Variants in NRG3 observed in about 807,000 individuals in gnomAD.
NRG3 encodes pro-neuregulin-3, membrane-bound isoform.
In NRG3, 31 loss-of-function variants were observed where a neutral mutation model predicts 66.9. That is an observed-to-expected ratio of 0.46 (90% CI 0.35 to 0.63). The LOEUF is 0.63. Among genes scored for constraint, NRG3 ranks in the 20% least tolerant of loss-of-function variants. The pLI, the probability that NRG3 is intolerant of heterozygous loss-of-function variation, is 0.00. For synonymous variants in NRG3, 393 were observed against 359.4 expected (o/e 1.09, Z -1.06); for missense variants, 910 against 878.9 (o/e 1.04, Z -0.45).
At chr10:82,062,985 A>G (rs1349377711) in intron 1 of NRG3, among the ~76,000 whole-genome samples, 1 of 152,028 alleles carries the variant, frequency 6.6e-6, no homozygotes, top group African/African-American at 2.4e-5. Context: ...TCTGCCGCCC[A>G]CCCCACCAAC....
At chr10:82,120,691 C>T (rs901493077) in intron 1 of NRG3, among the ~76,000 whole-genome samples, 12 of 152,134 alleles carry the variant, frequency 7.9e-5, no homozygotes, top group Middle Eastern at 6.8e-3. Context: ...TTTTGAGGGA[C>T]CAAATTGCAC....
chr10:82,505,001 G>A (rs1844539306), intron 2 of NRG3, among the ~76,000 whole-genome samples: 1 of 152,106 alleles, frequency 6.6e-6, no homozygotes, highest in Non-Finnish European at 1.5e-5. Context: ...CAGACTCTAT[G>A]GGCCAAGAGA....
At chr10:82,789,648 T>C (rs1027915765) in intron 3 of NRG3, among the ~76,000 whole-genome samples, 1 of 152,070 alleles carries the variant, frequency 6.6e-6, no homozygotes, top group Non-Finnish European at 1.5e-5. Flanking sequence ...AATATCTGCC[T>C]TTTATTGGAA....
chr10:82,671,251 A>G (rs573362281), intron 2 of NRG3, among the ~76,000 whole-genome samples: 53 of 152,286 alleles, frequency 3.5e-4, no homozygotes, highest in African/African-American at 1.3e-3. Context: ...AGTAAGCTCC[A>G]GTTGTTACAG....
At chr10:82,774,396 T>C (rs1260012421) in intron 3 of NRG3, among the ~76,000 whole-genome samples, 1 of 152,220 alleles carries the variant, frequency 6.6e-6, no homozygotes, top group Admixed American at 6.5e-5. Context: ...AATCTGGCTC[T>C]AGGCTTTTCT....
intron 1 of NRG3, among the ~76,000 whole-genome samples, chr10:82,089,989 G>T (rs546053712): frequency 6.6e-6 from 1 of 152,262 alleles, no homozygotes; most frequent in East Asian, 1.9e-4. Context: ...TGGCATGGTG[G>T]GGTTGAAATT....
chr10:82,852,010 A>T (rs912538607), intron 3 of NRG3, among the ~76,000 whole-genome samples: 2 of 151,782 alleles, frequency 1.3e-5, no homozygotes, highest in African/African-American at 4.8e-5. Flanking sequence ...ACTTGAAGTG[A>T]GTTGATAAAA....
chr10:82,299,703 G>T (rs2080284551), intron 1 of NRG3, among the ~76,000 whole-genome samples: 1 of 152,056 alleles, frequency 6.6e-6, no homozygotes, highest in Non-Finnish European at 1.5e-5. Context: ...CCTGCGGGAG[G>T]CAAGACCTCA....
At chr10:81,908,853 T>C (rs1422962701) in intron 1 of NRG3, among the ~76,000 whole-genome samples, 1 of 152,190 alleles carries the variant, frequency 6.6e-6, no homozygotes, top group East Asian at 1.9e-4. Flanking sequence ...CTGTGTTCTC[T>C]TTCCCATACT....
At chr10:82,108,735 A>G (rs1314769530) in intron 1 of NRG3, among the ~76,000 whole-genome samples, 1 of 152,234 alleles carries the variant, frequency 6.6e-6, no homozygotes, top group Non-Finnish European at 1.5e-5. Context: ...TAGCGTTCAT[A>G]ATAGCTAGCC....
intron 3 of NRG3, among the ~76,000 whole-genome samples, chr10:82,775,274 G>T (rs1784997326): frequency 6.7e-6 from 1 of 149,248 alleles, no homozygotes; most frequent in African/African-American, 2.5e-5. Context: ...AACTGCTTTT[G>T]CTATATCCCA....
intron 1 of NRG3, among the ~76,000 whole-genome samples, chr10:82,076,396 T>C (rs1315553951): frequency 6.6e-6 from 1 of 152,236 alleles, no homozygotes; most frequent in Non-Finnish European, 1.5e-5. Flanking sequence ...CATTATCCAT[T>C]TGATTTCTCC....
At chr10:82,307,857 T>G (rs996179227) in intron 1 of NRG3, among the ~76,000 whole-genome samples, 3 of 152,042 alleles carry the variant, frequency 2.0e-5, no homozygotes, top group Non-Finnish European at 4.4e-5. Context: ...TTCACTATTT[T>G]TTTCACATTT....
chr10:82,129,689 T>A (rs2068684241), intron 1 of NRG3, among the ~76,000 whole-genome samples: 1 of 152,100 alleles, frequency 6.6e-6, no homozygotes, highest in African/African-American at 2.4e-5. Context: ...TTCTCCTGGC[T>A]CAGCCTCCCA....
chr10:81,907,947 A>G (rs1217946016), intron 1 of NRG3, among the ~76,000 whole-genome samples: 1 of 152,216 alleles, frequency 6.6e-6, no homozygotes, highest in African/African-American at 2.4e-5. Context: ...AAAGGAATCA[A>G]TATGCCTAAT....
intron 1 of NRG3, among the ~76,000 whole-genome samples, chr10:82,267,611 G>C (rs1176229742): frequency 1.3e-5 from 2 of 152,160 alleles, no homozygotes; most frequent in Non-Finnish European, 2.9e-5. Flanking sequence ...ACTCACAGAT[G>C]GAATGACTAT....
At chr10:82,609,915 T>A (rs559582440) in intron 2 of NRG3, among the ~76,000 whole-genome samples, 1 of 152,304 alleles carries the variant, frequency 6.6e-6, no homozygotes, top group South Asian at 2.1e-4. Flanking sequence ...TCATAGACCT[T>A]TAGGTCAGAA....
At chr10:82,797,906 T>C (rs72831325) in intron 3 of NRG3, among the ~76,000 whole-genome samples, 1,793 of 152,250 alleles carry the variant, frequency 0.012, 24 homozygotes, top group Non-Finnish European at 0.018. Flanking sequence ...TTAGTACAGT[T>C]GAAAGAATTA....
At chr10:82,466,132 A>G (rs754219456) in intron 2 of NRG3, among the ~76,000 whole-genome samples, 2 of 152,074 alleles carry the variant, frequency 1.3e-5, no homozygotes, top group Non-Finnish European at 2.9e-5. Flanking sequence ...TTTTCTCTTC[A>G]GTGAATAATT....
Sources: allele counts gnomAD v4.1 joint callset (sites outside exome capture counted in the v4.1 genomes callset), GRCh38; gene constraint gnomAD v4.1.1; transcripts MANE v1.5; gene names NCBI Gene and HGNC (gene_info 2026-07-23, HGNC 2026-07-21).